LY6S: variants seen among roughly 807,000 people sequenced by gnomAD.
LY6S encodes the protein lymphocyte antigen 6 family member S.
chr8:143,066,098 T>G, the LY6S span: 1 of 416,040 alleles, frequency 2.4e-6, no homozygotes, highest in Admixed American at 2.8e-5. Context: ...AGACACTCGC[T>G]TCGGAAATGT....
At chr8:143,044,530 G>GCCCCCCCC in the LY6S span, 1 of 197,898 alleles carries the variant, frequency 5.1e-6, no homozygotes, top group Non-Finnish European at 9.8e-6. Flanking sequence ...TGCCCGCCAT[G>GCCCCCCCC]CCCACCCCAC....
the LY6S span, among the ~76,000 whole-genome samples, chr8:143,058,386 G>A: frequency 8.1e-3 from 1,236 of 152,312 alleles, 14 homozygotes; most frequent in African/African-American, 0.028. Flanking sequence ...CACGTGGGTT[G>A]CGTGTCCACT....
the LY6S span, chr8:143,060,023 A>G: frequency 6.6e-6 from 1 of 152,652 alleles, no homozygotes; most frequent in Non-Finnish European, 1.5e-5. Flanking sequence ...TCTTTTTTCA[A>G]TATTATAATA....
At chr8:143,055,008 A>G in the LY6S span, among the ~76,000 whole-genome samples, 1 of 152,216 alleles carries the variant, frequency 6.6e-6, no homozygotes, top group Non-Finnish European at 1.5e-5. Context: ...GGGGAATGCC[A>G]TGTCTACGTC....
chr8:143,057,626 C>G, the LY6S span: 1 of 1,170,172 alleles, frequency 8.5e-7, no homozygotes, highest in Admixed American at 1.7e-5. Context: ...GTCATCAATG[C>G]CCACAGTTTT....
the LY6S span, chr8:143,053,850 C>A: frequency 2.0e-5 from 3 of 152,134 alleles, no homozygotes; most frequent in African/African-American, 7.2e-5. Context: ...ACTCACCATG[C>A]AATCAATCTC....
chr8:143,061,912 A>C, the LY6S span, among the ~76,000 whole-genome samples: 1 of 152,230 alleles, frequency 6.6e-6, no homozygotes, highest in Non-Finnish European at 1.5e-5. Flanking sequence ...ACATGAATTT[A>C]TACAAGATTA....
the LY6S span, chr8:143,044,804 G>A: frequency 1.5e-6 from 2 of 1,366,542 alleles, no homozygotes; most frequent in Non-Finnish European, 2.0e-6. Context: ...CCCTGAGCTG[G>A]GAGAGAGGGC....
At chr8:143,052,223 G>A in the LY6S span, among the ~76,000 whole-genome samples, 1 of 152,090 alleles carries the variant, frequency 6.6e-6, no homozygotes, top group African/African-American at 2.4e-5. Context: ...AGAGCTTGCA[G>A]TGAGCCGAGA....
At chr8:143,044,709 GAC>G in the LY6S span, 1 of 1,367,626 alleles carries the variant, frequency 7.3e-7, no homozygotes, top group South Asian at 1.1e-5. Flanking sequence ...CTTTCTGGGA[GAC>G]ACAGACCCCA....
the LY6S span, among the ~76,000 whole-genome samples, chr8:143,043,941 C>G: frequency 6.6e-6 from 1 of 152,226 alleles, no homozygotes; most frequent in Non-Finnish European, 1.5e-5. Context: ...TCCCAAAGTG[C>G]TGGGACTACA....
At chr8:143,041,034 G>A in the LY6S span, among the ~76,000 whole-genome samples, 11 of 152,208 alleles carry the variant, frequency 7.2e-5, no homozygotes, top group African/African-American at 2.4e-4. Flanking sequence ...GGCAGGGCGA[G>A]ATCACAGGAC....
At chr8:143,059,743 A>T in the LY6S span, 1 of 152,214 alleles carries the variant, frequency 6.6e-6, no homozygotes, top group Non-Finnish European at 1.5e-5. Context: ...CTGGGATTAC[A>T]GTCATGAGCC....
the LY6S span, chr8:143,042,809 T>A: frequency 2.7e-6 from 1 of 364,062 alleles, no homozygotes; most frequent in Non-Finnish European, 5.5e-6. Flanking sequence ...GGGCCACGGT[T>A]TCTCTATGAC....
the LY6S span, among the ~76,000 whole-genome samples, chr8:143,075,986 T>C: frequency 1.3e-5 from 2 of 152,078 alleles, no homozygotes; most frequent in African/African-American, 4.8e-5. This position sits in a 1 kb window ranked among gnomAD's most constrained non-coding sequence, Gnocchi z 4.1. Flanking sequence ...ATGTGTCAGT[T>C]TGAAAATGAT....
At chr8:143,053,283 T>C in the LY6S span, 3 of 152,142 alleles carry the variant, frequency 2.0e-5, no homozygotes, top group Non-Finnish European at 4.4e-5. Flanking sequence ...GAAGTTTCTA[T>C]TCAAGAAAAC....
the LY6S span, among the ~76,000 whole-genome samples, chr8:143,052,995 G>A: frequency 6.6e-6 from 1 of 152,144 alleles, no homozygotes; most frequent in Non-Finnish European, 1.5e-5. Flanking sequence ...CCAGGAATAT[G>A]GCAACACAGG....
the LY6S span, among the ~76,000 whole-genome samples, chr8:143,070,489 A>ATTTTTTTTT: frequency 1.1e-4 from 9 of 81,690 alleles, 1 homozygote; most frequent in African/African-American, 6.9e-4. Flanking sequence ...ATATATATAT[A>ATTTTTTTTT]TTTTTTTTTT....
the LY6S span, among the ~76,000 whole-genome samples, chr8:143,061,865 T>G: frequency 6.6e-6 from 1 of 152,186 alleles, no homozygotes; most frequent in Non-Finnish European, 1.5e-5. Flanking sequence ...TACGAATCTT[T>G]AAGTAACTGA....
Sources: gnomAD v4.1 joint callset for allele counts (sites outside exome capture counted in the v4.1 genomes callset) on GRCh38, gnomAD v4.1.1 for gene constraint, Gnocchi (gnomAD v3.1) non-coding constraint, MANE v1.5 for transcripts, NCBI Gene and HGNC (gene_info 2026-07-23, HGNC 2026-07-21) for gene names.